The following MBD5 variants were observed in gnomAD, a reference collection of about 807,000 sequenced individuals.
MBD5 encodes the protein methyl-CpG-binding domain protein 5.
MBD5 carries 13 observed loss-of-function variants against 117.3 expected under a neutral mutation model. That is an observed-to-expected ratio of 0.11 (90% CI 0.07 to 0.18). The LOEUF (loss-of-function observed/expected upper bound fraction) is 0.18. Among genes scored for constraint, MBD5 ranks in the 10% least tolerant of loss-of-function variants. The probability of loss-of-function intolerance (pLI) is 1.00; values close to 1 mark genes in which losing one functional copy is unlikely to be tolerated. For synonymous variants in MBD5, 727 were observed against 766.4 expected, an observed-to-expected ratio of 0.95 and a Z score of 0.85; for missense variants, 1,879 against 2,093.8, an observed-to-expected ratio of 0.90 and a Z score of 2.00.
intron 2 of MBD5, among the ~76,000 whole-genome samples, chr2:148,180,358 ATATGTATATATG>A (rs1326002879): frequency 8.4e-6 from 1 of 118,902 alleles, no homozygotes; most frequent in Non-Finnish European, 1.9e-5. Flanking sequence ...ATATATATAT[ATATGTATATATG>A]TATCTTTTAC....
At chr2:148,337,822 A>G (rs1574305741) in intron 3 of MBD5, among the ~76,000 whole-genome samples, 1 of 152,048 alleles carries the variant, frequency 6.6e-6, no homozygotes, top group Non-Finnish European at 1.5e-5. Flanking sequence ...CTGCTTCCTG[A>G]CCTTCCACTC....
At chr2:148,341,745 A>G (rs931407029) in intron 3 of MBD5, among the ~76,000 whole-genome samples, 1 of 151,970 alleles carries the variant, frequency 6.6e-6, no homozygotes, top group African/African-American at 2.4e-5. Flanking sequence ...CACATTTTAA[A>G]GTGGGAATGT....
At chr2:148,091,164 TA>T (rs1695930291) in intron 1 of MBD5, among the ~76,000 whole-genome samples, 2 of 151,912 alleles carry the variant, frequency 1.3e-5, no homozygotes, top group African/African-American at 4.8e-5. Flanking sequence ...GTCAACAATA[TA>T]AACAATGGAA....
At chr2:148,235,807 G>A (rs78716456) in intron 3 of MBD5, among the ~76,000 whole-genome samples, 15,150 of 151,022 alleles carry the variant, frequency 0.1, 808 homozygotes, top group South Asian at 0.16. Flanking sequence ...GAGTGTTTTG[G>A]GGGGTGGCGG....
chr2:148,152,279 G>A (rs1398877442), intron 1 of MBD5, among the ~76,000 whole-genome samples: 1 of 151,966 alleles, frequency 6.6e-6, no homozygotes, highest in African/African-American at 2.4e-5. Context: ...CTGAGTTCTA[G>A]TTTGATTGCA....
intron 1 of MBD5, among the ~76,000 whole-genome samples, chr2:148,116,369 C>A (rs1046692917): frequency 8.5e-5 from 13 of 152,158 alleles, no homozygotes; most frequent in African/African-American, 3.1e-4. Flanking sequence ...CTGAGTCCAA[C>A]ATGACGTTGA....
At chr2:148,023,885 T>TTTAAGTA (rs1437271220) in intron 1 of MBD5, among the ~76,000 whole-genome samples, 3 of 152,160 alleles carry the variant, frequency 2.0e-5, no homozygotes, top group Non-Finnish European at 4.4e-5. Flanking sequence ...AGAAAACCTT[T>TTTAAGTA]TTAAGTATTA....
intron 4 of MBD5, among the ~76,000 whole-genome samples, chr2:148,440,290 C>A (rs1156679950): frequency 1.3e-5 from 2 of 152,090 alleles, no homozygotes; most frequent in African/African-American, 4.8e-5. Flanking sequence ...ACTTTCTAAT[C>A]CTTAGTTCAC....
chr2:148,081,153 T>C (rs989701251), intron 1 of MBD5, among the ~76,000 whole-genome samples: 6 of 152,208 alleles, frequency 3.9e-5, no homozygotes, highest in Non-Finnish European at 8.8e-5. Flanking sequence ...AAAATTAATG[T>C]CCAATAAATT....
chr2:148,462,023 A>G (rs978406189), intron 5 of MBD5, among the ~76,000 whole-genome samples: 5 of 152,072 alleles, frequency 3.3e-5, no homozygotes, highest in South Asian at 2.1e-4. Flanking sequence ...GATCTATTAT[A>G]TCTTTAAAGA....
chr2:148,355,787 T>A (rs1300958967), intron 4 of MBD5, among the ~76,000 whole-genome samples: 1 of 152,196 alleles, frequency 6.6e-6, no homozygotes, highest in Non-Finnish European at 1.5e-5. Context: ...TCATATGAAA[T>A]TTAAAGTAGT....
At chr2:148,284,200 T>C (rs1228084498) in intron 3 of MBD5, among the ~76,000 whole-genome samples, 1 of 152,238 alleles carries the variant, frequency 6.6e-6, no homozygotes, top group Non-Finnish European at 1.5e-5. Flanking sequence ...TACATCTTAT[T>C]ACATCAGAAG....
At chr2:148,363,236 C>A (rs1296038569) in intron 4 of MBD5, among the ~76,000 whole-genome samples, 3 of 151,872 alleles carry the variant, frequency 2.0e-5, no homozygotes, top group Non-Finnish European at 4.4e-5. Flanking sequence ...AAGCTAAGAA[C>A]CTTTTCTTTT....
intron 1 of MBD5, among the ~76,000 whole-genome samples, chr2:148,154,580 C>T (rs187130585): frequency 1.7e-3 from 252 of 152,306 alleles, no homozygotes; most frequent in African/African-American, 5.7e-3. Context: ...TATCAATCAG[C>T]GAGACTCCCT....
Position 148,294,501 on chromosome 2 carries a change from G to GTTTTTTTTTTTTTTTTT in MBD5, c.-679-47709_-679-47693dup, listed in dbSNP as rs58961481. Reference sequence around the variant, plus strand: ...GGCCTCCCAAAGTGCTGGGATTACAGTTTTTTTTTTTTTTTTTTTTGAGAT... The same window carrying GTTTTTTTTTTTTTTTTT: ...GGCCTCCCAAAGTGCTGGGATTACAGTTTTTTTTTTTTTTTTTTTTTTTTTTTTTTTTTTTTTGAGAT... On this transcript the variant is annotated intron_variant, in intron 3 of 13. Transcript: ENST00000642680. Among the ~76,000 whole-genome samples the GTTTTTTTTTTTTTTTTT allele has an allele frequency of 1.9e-4, 22 of 113,244 alleles. 1 individual carries two copies. Among genetic ancestry groups the GTTTTTTTTTTTTTTTTT allele is most frequent in the African/African-American group, 5.5e-4 (15 of 27,290 alleles). The allele number at this position is 113,244 out of a possible 152,430, so 74.3% of individuals were successfully genotyped here.
At position 148,483,550 on chromosome 2, in the gene MBD5, C is replaced by G. The variant is rs1681234135; in HGVS notation, c.2959C>G (p.Gln987Glu). The G allele has an allele frequency of 3.8e-6, 6 of 1,579,390 alleles. No homozygotes were observed. The highest frequency in any genetic ancestry group is 1.9e-5 in the Admixed American group (1 of 53,264). Residue 987 changes from glutamine (Q) to glutamate (E), a missense_variant, in exon 9 of 14, where the codon CAG becomes GAG. By Grantham distance (29) the Gln-to-Glu change is conservative. This residue lies in a region of MBD5 where 1,666 missense variants were observed against 1,792.2 expected (regional missense o/e 0.93). Coordinates refer to ENST00000642680, the MANE Select transcript of MBD5 (RefSeq NM_001378120.1). Reference protein sequence around the residue: ...DGQVLQPVHFQLLAALLQNQA... With the variant: ...DGQVLQPVHFELLAALLQNQA... ...GCAGGTATTGCAGCCTGTTCACTTTCAGCTCTTAGCAGCCTTGCTTCAGAA... is the reference window on the plus strand; with the variant it reads ...GCAGGTATTGCAGCCTGTTCACTTTGAGCTCTTAGCAGCCTTGCTTCAGAA...
intron 4 of MBD5, among the ~76,000 whole-genome samples, chr2:148,446,936 A>T (rs1001894821): frequency 6.6e-6 from 1 of 152,036 alleles, no homozygotes. Context: ...GAAAAATTTC[A>T]GTGGCATTTT....
At chr2:148,295,437 A>G (rs1232252859) in intron 3 of MBD5, among the ~76,000 whole-genome samples, 1 of 152,084 alleles carries the variant, frequency 6.6e-6, no homozygotes, top group Non-Finnish European at 1.5e-5. Flanking sequence ...GTGTGCAAAG[A>G]GTATTAGTGG....
At chr2:148,226,879 T>C (rs1488909348) in intron 2 of MBD5, among the ~76,000 whole-genome samples, 2 of 152,248 alleles carry the variant, frequency 1.3e-5, no homozygotes, top group Non-Finnish European at 2.9e-5. Context: ...GTGAGCATTT[T>C]TTCATGTGTG....
Sources: allele counts gnomAD v4.1 joint callset (sites outside exome capture counted in the v4.1 genomes callset), GRCh38; gene constraint gnomAD v4.1.1; regional missense constraint gnomAD v4.1.1; transcripts MANE v1.5; gene names NCBI Gene and HGNC (gene_info 2026-07-23, HGNC 2026-07-21).